Variants in TEAD1 observed in about 807,000 individuals in gnomAD.
TEAD1 encodes transcriptional enhancer factor TEF-1.
TEAD1 carries 9 observed loss-of-function variants against 54.9 expected under a neutral mutation model. That is an observed-to-expected ratio of 0.16 (90% CI 0.10 to 0.29). The LOEUF is 0.29. TEAD1 is among the 10% of genes least tolerant of loss of function. The pLI is 1.00. For missense variants in TEAD1, 387 were observed against 535.9 expected, an observed-to-expected ratio of 0.72 and a Z score of 2.74; for synonymous variants, 200 against 187.8, an observed-to-expected ratio of 1.07 and a Z score of -0.53.
chr11:12,925,542 C>T (rs1948890298), intron 11 of TEAD1, among the ~76,000 whole-genome samples: 1 of 152,202 alleles, frequency 6.6e-6, no homozygotes, highest in African/African-American at 2.4e-5. Context: ...CTTTCTCCCA[C>T]TTCTTTTTCC....
At chr11:12,794,042 CTG>C (rs766584171) in intron 3 of TEAD1, among the ~76,000 whole-genome samples, 2 of 152,200 alleles carry the variant, frequency 1.3e-5, no homozygotes, top group African/African-American at 4.8e-5. Context: ...TACCCCAAAA[CTG>C]TCTTAAATTT....
intron 3 of TEAD1, among the ~76,000 whole-genome samples, chr11:12,791,723 T>G (rs1945806120): frequency 6.6e-6 from 1 of 152,136 alleles, no homozygotes; most frequent in African/African-American, 2.4e-5. Flanking sequence ...TTTCTTGCAT[T>G]TGAGTTATAA....
chr11:12,753,161 A>T (rs573744072), intron 2 of TEAD1, among the ~76,000 whole-genome samples: 1 of 152,268 alleles, frequency 6.6e-6, no homozygotes, highest in African/African-American at 2.4e-5. Flanking sequence ...ACTATAGTTT[A>T]TATGTCCTAT....
At chr11:12,747,815 TC>T (rs1944779081) in intron 2 of TEAD1, among the ~76,000 whole-genome samples, 1 of 152,208 alleles carries the variant, frequency 6.6e-6, no homozygotes, top group Non-Finnish European at 1.5e-5. Context: ...CTAATAATGT[TC>T]CAGTTTTCAT....
chr11:12,764,324 C>T lies in TEAD1; in HGVS notation c.92C>T (p.Ala31Val). 2 of 1,614,194 alleles carry T rather than the reference C, an allele frequency of 1.2e-6. No homozygotes were observed. Among genetic ancestry groups the T allele is most frequent in the Non-Finnish European group, 1.7e-6 (2 of 1,180,040 alleles). The change falls in exon 3 of 13, where the codon GCA becomes GTA. Residue 31 changes from alanine (A) to valine (V), a missense_variant. By Grantham distance (64) the Ala-to-Val change is moderately conservative. Transcript: ENST00000527636. ...GCAGATAAGCCAATTGACAATGATG[C>T]AGAAGGGGTCTGGAGCCCCGACATC...
At chr11:12,730,754 G>T (rs918084237) in intron 2 of TEAD1, among the ~76,000 whole-genome samples, 1 of 136,652 alleles carries the variant, frequency 7.3e-6, no homozygotes, top group Non-Finnish European at 1.5e-5. Flanking sequence ...AGGCTGGAGT[G>T]CACTAGTGCA....
rs147387243 is a variant in TEAD1 at position 12,865,105 on chromosome 11, T to G, written c.330+205T>G. The G allele has an allele frequency of 2.6e-3, 1,717 of 655,480 alleles. 26 individuals are homozygous for G. The African/African-American group carries it at 0.027, about 10-fold the overall frequency. 40.6% of individuals were successfully genotyped at this position (655,480 alleles called of 1,614,324 possible). On this transcript the variant is annotated intron_variant, in intron 5 of 12. Transcript: ENST00000527636. ...AATGTGTGTGAGCGCGTGTGTGTGT[T>G]TGCGTGTGTGTGTGCGTGTGTATGT...
chr11:12,702,308 A>G (rs1368337615), intron 2 of TEAD1, among the ~76,000 whole-genome samples: 1 of 152,180 alleles, frequency 6.6e-6, no homozygotes, highest in African/African-American at 2.4e-5. Flanking sequence ...TTACTATCTG[A>G]GAACATCGTG....
intron 2 of TEAD1, among the ~76,000 whole-genome samples, chr11:12,708,287 A>G (rs534236924): frequency 2.6e-5 from 4 of 151,798 alleles, no homozygotes; most frequent in African/African-American, 9.7e-5. Flanking sequence ...AGGTCTGTGC[A>G]ATTGTGTATG....
intron 2 of TEAD1, among the ~76,000 whole-genome samples, chr11:12,725,094 T>G (rs1370280739): frequency 6.6e-6 from 1 of 152,224 alleles, no homozygotes; most frequent in Non-Finnish European, 1.5e-5. Flanking sequence ...AGAAATAGTT[T>G]ACACAGTAAC....
At chr11:12,784,097 G>A (rs1945624857) in intron 3 of TEAD1, among the ~76,000 whole-genome samples, 2 of 152,266 alleles carry the variant, frequency 1.3e-5, no homozygotes, top group Middle Eastern at 3.4e-3. Flanking sequence ...TGACAAGGAG[G>A]GGATGGATGG....
At chr11:12,914,145 A>G (rs925214545) in intron 10 of TEAD1, among the ~76,000 whole-genome samples, 3 of 152,302 alleles carry the variant, frequency 2.0e-5, no homozygotes, top group Admixed American at 2.0e-4. Flanking sequence ...GAAAAACTAA[A>G]TGCTGGTATT....
At chr11:12,773,007 G>A (rs781546387) in intron 3 of TEAD1, among the ~76,000 whole-genome samples, 11 of 152,114 alleles carry the variant, frequency 7.2e-5, no homozygotes, top group Non-Finnish European at 1.6e-4. Flanking sequence ...TTTCAAACAT[G>A]TTATATAAAT....
intron 3 of TEAD1, among the ~76,000 whole-genome samples, chr11:12,790,413 C>T (rs922457663): frequency 6.6e-5 from 10 of 152,158 alleles, no homozygotes; most frequent in African/African-American, 2.4e-4. Flanking sequence ...ATCTTTATCT[C>T]CATATCCCTT....
chr11:12,897,531 C>G (rs1168747417), intron 9 of TEAD1, among the ~76,000 whole-genome samples: 1 of 152,136 alleles, frequency 6.6e-6, no homozygotes, highest in African/African-American at 2.4e-5. Flanking sequence ...ACTTTGTATT[C>G]TTAGAAACAG....
At chr11:12,889,869 G>A (rs1948163503) in intron 9 of TEAD1, among the ~76,000 whole-genome samples, 1 of 152,068 alleles carries the variant, frequency 6.6e-6, no homozygotes, top group Non-Finnish European at 1.5e-5. Flanking sequence ...CTACAGGCAT[G>A]CACCACCACA....
At chr11:12,813,266 T>G (rs947681568) in intron 3 of TEAD1, among the ~76,000 whole-genome samples, 1 of 151,972 alleles carries the variant, frequency 6.6e-6, no homozygotes, top group Non-Finnish European at 1.5e-5. Flanking sequence ...CCAGGGAAGG[T>G]GTTTGGGTTT....
At chr11:12,822,642 G>GT (rs1357146382) in intron 3 of TEAD1, 1 of 152,360 alleles carries the variant, frequency 6.6e-6, no homozygotes, top group Non-Finnish European at 1.5e-5. Context: ...GCTGGGAGGT[G>GT]TCCTCATGCA....
intron 9 of TEAD1, among the ~76,000 whole-genome samples, chr11:12,893,659 G>A (rs1329416714): frequency 6.6e-6 from 1 of 152,090 alleles, no homozygotes; most frequent in Non-Finnish European, 1.5e-5. Flanking sequence ...TGAGGAAGCA[G>A]CAGCCCCTCT....
Sources: gnomAD v4.1 joint callset for allele counts (sites outside exome capture counted in the v4.1 genomes callset) on GRCh38, gnomAD v4.1.1 for gene constraint, MANE v1.5 for transcripts, NCBI Gene and HGNC (gene_info 2026-07-23, HGNC 2026-07-21) for gene names.